Variants in SNX29 observed in about 807,000 individuals in gnomAD.
The protein encoded by SNX29 is sorting nexin-29.
In SNX29, 78 loss-of-function variants were observed where a neutral mutation model predicts 102.1. That is an observed-to-expected ratio of 0.76 (90% CI 0.64 to 0.92). SNX29 has a LOEUF of 0.92. Ranked by LOEUF, SNX29 falls within the 40% of genes least tolerant of loss-of-function variation. The pLI is 0.00. For missense variants in SNX29, 1,280 were observed against 1,061.7 expected (o/e 1.21, Z -2.86); for synonymous variants, 580 against 414.5 (o/e 1.40, Z -4.85).
In SNX29 at chr16:12,206,195, T is replaced by C. The variant is rs140217667; in HGVS notation, c.1678+6512T>C. On this transcript the variant is annotated intron_variant, in intron 14 of 20. Transcript: ENST00000566228. The stretch of plus-strand genomic sequence containing the variant: ...AGAGCTCTTGTGATGACAGGAGTCA[T>C]ACAATCTGATTTAATCTGTCTTAAG... Among the ~76,000 whole-genome samples, 111 of 152,300 alleles carry C rather than the reference T, an allele frequency of 7.3e-4. 2 individuals carry two copies. In the East Asian group the frequency reaches 0.018, roughly 25 times the overall value.
At chr16:12,134,281 A>T (rs946290964) in intron 13 of SNX29, among the ~76,000 whole-genome samples, 1 of 152,202 alleles carries the variant, frequency 6.6e-6, no homozygotes, top group African/African-American at 2.4e-5. Flanking sequence ...CTGTGTAACA[A>T]ATTATCCTCA....
chr16:12,137,882 G>T (rs350281), intron 13 of SNX29, among the ~76,000 whole-genome samples: 121,507 of 152,148 alleles, frequency 0.8, 49,535 homozygotes, highest in East Asian at 1. Context: ...GGTGTGGGCC[G>T]TTTCATTGCT....
intron 11 of SNX29, among the ~76,000 whole-genome samples, chr16:12,097,724 G>A (rs762883142): frequency 1.3e-5 from 2 of 152,176 alleles, no homozygotes; most frequent in African/African-American, 4.8e-5. Context: ...TCTCAGCTGG[G>A]CCAGGCAGCA....
intron 11 of SNX29, among the ~76,000 whole-genome samples, chr16:12,126,103 A>G (rs1007339615): frequency 6.6e-6 from 1 of 152,154 alleles, no homozygotes; most frequent in Non-Finnish European, 1.5e-5. Context: ...GGTATACAGG[A>G]GCTCAGTAAA....
At position 12,568,533 on chromosome 16, in the gene SNX29, G is replaced by T. The variant is rs772282823; in HGVS notation, c.2346G>T (p.Val782=). ...FVDITPPGEP[V]NSRPKAASRF... ...ACATCACCCCGCCCGGAGAGCCTGT[G>T]AACAGCCGGCCCAAAGCAGCTTCCC... is the stretch of plus-strand genomic sequence containing the variant. The change falls in exon 21 of 21, where the codon GTG becomes GTT. Residue 782 remains valine (V), a synonymous_variant. Coordinates refer to ENST00000566228, the MANE Select transcript of SNX29 (RefSeq NM_032167.5). 3.7e-6 allele frequency: 6 copies of T among 1,609,662 alleles called. No individual in the cohort carries two copies. The highest frequency in any genetic ancestry group is 1.7e-5 in the Admixed American group (1 of 60,000).
At chr16:12,276,926 A>C (rs543390915) in intron 14 of SNX29, among the ~76,000 whole-genome samples, 74 of 152,014 alleles carry the variant, frequency 4.9e-4, no homozygotes, top group Non-Finnish European at 1.5e-4. Flanking sequence ...TTGGTTTCCG[A>C]GTTTTTCTAA....
intron 19 of SNX29, among the ~76,000 whole-genome samples, chr16:12,495,300 C>T (rs1330201315): frequency 2.0e-5 from 3 of 152,064 alleles, no homozygotes; most frequent in South Asian, 2.1e-4. Flanking sequence ...TACAGACGTG[C>T]ACCACCACGT....
At chr16:12,154,474 T>C (rs6498266) in intron 13 of SNX29, among the ~76,000 whole-genome samples, 8 of 151,938 alleles carry the variant, frequency 5.3e-5, no homozygotes, top group Admixed American at 6.6e-5. Flanking sequence ...CCTAATTACA[T>C]ACGTGTGTGT....
chr16:12,366,419 G>GT (rs1029663807), intron 16 of SNX29, among the ~76,000 whole-genome samples: 33 of 152,332 alleles, frequency 2.2e-4, no homozygotes, highest in African/African-American at 6.7e-4. Flanking sequence ...TAAATGTCAT[G>GT]TTTTTTTATT....
chr16:12,305,927 A>G (rs1015699560), intron 15 of SNX29, among the ~76,000 whole-genome samples: 2 of 152,120 alleles, frequency 1.3e-5, no homozygotes, highest in South Asian at 2.1e-4. Flanking sequence ...CAAAGATTCT[A>G]TTTCAACAAA....
At chr16:12,542,028 T>C (rs1240224393) in intron 20 of SNX29, among the ~76,000 whole-genome samples, 1 of 152,132 alleles carries the variant, frequency 6.6e-6, no homozygotes, top group Non-Finnish European at 1.5e-5. Context: ...CTCTGTTTTT[T>C]CTTTTTTTAA....
intron 20 of SNX29, among the ~76,000 whole-genome samples, chr16:12,543,242 T>A (rs542459363): frequency 5.9e-5 from 9 of 152,260 alleles, no homozygotes; most frequent in South Asian, 4.2e-4. Flanking sequence ...TTCTAGAGAT[T>A]CTGAATGATG....
intron 13 of SNX29, among the ~76,000 whole-genome samples, chr16:12,180,781 G>A (rs1450520023): frequency 6.6e-6 from 1 of 152,172 alleles, no homozygotes; most frequent in Non-Finnish European, 1.5e-5. Flanking sequence ...CACCTCGCCT[G>A]GCCCGTTGCT....
intron 20 of SNX29, 130 bp from the exon 21 acceptor site, chr16:12,568,376 G>C (rs2079102983): frequency 8.1e-7 from 1 of 1,235,436 alleles, no homozygotes; most frequent in Admixed American, 2.2e-5. Flanking sequence ...CCAGTTAGAG[G>C]CAGATCCAAT....
chr16:12,247,116 C>T (rs897780545), intron 14 of SNX29, among the ~76,000 whole-genome samples: 2 of 152,126 alleles, frequency 1.3e-5, no homozygotes, highest in African/African-American at 4.8e-5. Context: ...GGTATCAGCC[C>T]TGCATTTTAA....
chr16:12,543,623 A>C (rs1276308134), intron 20 of SNX29, among the ~76,000 whole-genome samples: 1 of 151,968 alleles, frequency 6.6e-6, no homozygotes, highest in Non-Finnish European at 1.5e-5. Context: ...GCAGTGCCCC[A>C]GTGCTCCGCA....
At chr16:12,263,981 C>T (rs1438813889) in intron 14 of SNX29, among the ~76,000 whole-genome samples, 1 of 152,220 alleles carries the variant, frequency 6.6e-6, no homozygotes, top group Non-Finnish European at 1.5e-5. Context: ...ACCACCATTG[C>T]CATCCATGGA....
rs34084585 is a variant in SNX29, at chr16:12,573,238, G to GA, written c.*4612dup. On this transcript the variant is annotated 3_prime_UTR_variant, in exon 21 of 21. Coordinates refer to ENST00000566228, the MANE Select transcript of SNX29 (RefSeq NM_032167.5). ...TCCCGCAGTTCATCCCATGGTTGTT[G>GA]AAATGTACCTCGATCAGTCATCTCT... 8.8e-6 allele frequency: 2 copies of GA among 227,020 alleles called. No individual in the cohort carries two copies. The highest frequency in any genetic ancestry group is 2.2e-5 in the African/African-American group (1 of 45,006). 14.1% of individuals were successfully genotyped at this position (227,020 alleles called of 1,614,324 possible).
intron 19 of SNX29, among the ~76,000 whole-genome samples, chr16:12,505,783 AG>A (rs1318442269): frequency 6.6e-6 from 1 of 150,898 alleles, no homozygotes; most frequent in Non-Finnish European, 1.5e-5. Flanking sequence ...AAAAAAAAAA[AG>A]GCAACTGGGA....
Sources: allele counts gnomAD v4.1 joint callset (sites outside exome capture counted in the v4.1 genomes callset), GRCh38; gene constraint gnomAD v4.1.1; transcripts MANE v1.5; gene names NCBI Gene and HGNC (gene_info 2026-07-23, HGNC 2026-07-21).